Variants in LMBRD2 observed in about 807,000 individuals in gnomAD.
LMBRD2 encodes the protein G protein-coupled receptor-associated protein LMBRD2.
LMBRD2 carries 55 observed loss-of-function variants against 94.4 expected under a neutral mutation model. The observed-to-expected ratio is 0.58, with a 90% confidence interval of 0.47 to 0.73. The LOEUF (loss-of-function observed/expected upper bound fraction) is 0.73. LMBRD2 is among the 30% of genes least tolerant of loss of function. The pLI is 0.00. For synonymous variants in LMBRD2, 246 were observed against 272.4 expected (o/e 0.90, Z 0.95); for missense variants, 640 against 831.9 (o/e 0.77, Z 2.84).
intron 17 of LMBRD2, 140 bp downstream of exon 17, chr5:36,104,928 G>A (rs1469188490): frequency 1.3e-6 from 1 of 741,626 alleles, no homozygotes; most frequent in African/African-American, 1.8e-5. Context: ...ATTTTTTATT[G>A]TTAGTGAAAA....
chr5:36,104,478 T>C (rs1329790108), intron 17 of LMBRD2, among the ~76,000 whole-genome samples: 1 of 152,038 alleles, frequency 6.6e-6, no homozygotes, highest in Admixed American at 6.6e-5. Flanking sequence ...TTCGTGCACA[T>C]GATATTTTGC....
At chr5:36,127,570 T>C (rs1205509574) in intron 6 of LMBRD2, among the ~76,000 whole-genome samples, 1 of 152,156 alleles carries the variant, frequency 6.6e-6, no homozygotes, top group Non-Finnish European at 1.5e-5. Flanking sequence ...CATGGCAGCA[T>C]TCACCAAAAG....
intron 3 of LMBRD2, among the ~76,000 whole-genome samples, chr5:36,142,040 G>T (rs1744422040): frequency 1.3e-5 from 2 of 152,086 alleles, no homozygotes; most frequent in Non-Finnish European, 2.9e-5. Context: ...TGGACAATTT[G>T]AACTTTATTA....
intron 6 of LMBRD2, among the ~76,000 whole-genome samples, chr5:36,131,778 A>G (rs1034552628): frequency 1.3e-5 from 2 of 152,064 alleles, no homozygotes; most frequent in Non-Finnish European, 2.9e-5. Context: ...AAAGATCTCT[A>G]CAATGAAAAC....
chr5:36,105,262 T>C (rs1193273088), intron 16 of LMBRD2, 65 bp from the exon 17 acceptor site: 80 of 1,446,510 alleles, frequency 5.5e-5, no homozygotes, highest in Admixed American at 1.2e-4. Flanking sequence ...TCACAGTCTA[T>C]GGAGGTACAG....
intron 6 of LMBRD2, among the ~76,000 whole-genome samples, chr5:36,129,901 C>T (rs1744093768): frequency 6.6e-6 from 1 of 152,092 alleles, no homozygotes; most frequent in Non-Finnish European, 1.5e-5. Flanking sequence ...ATGGATGAAG[C>T]TGGAAACCAT....
In LMBRD2 at chr5:36,101,603, C is replaced by A. The variant is rs1010002319; in HGVS notation, c.*2443G>T. The A allele has an allele frequency of 6.6e-6, 1 of 151,834 alleles. No homozygotes were observed. The highest frequency in any genetic ancestry group is 1.5e-5 in the Non-Finnish European group (1 of 67,818). 9.4% of individuals were successfully genotyped at this position (151,834 alleles called of 1,614,324 possible). A position where few individuals can be genotyped will look rare whatever the true frequency, so the allele number is the denominator to read the frequency against. ...GCTTGACAAATATTAACTTGGTTCCCCAGCAATAAACTGAGTCTTCCAGGG... is the reference window on the plus strand; with the variant it reads ...GCTTGACAAATATTAACTTGGTTCCACAGCAATAAACTGAGTCTTCCAGGG... On this transcript the variant is annotated 3_prime_UTR_variant, in exon 18 of 18. Transcript: ENST00000296603.
At chr5:36,136,033 G>T (rs1269120055) in intron 6 of LMBRD2, among the ~76,000 whole-genome samples, 1 of 152,152 alleles carries the variant, frequency 6.6e-6, no homozygotes, top group Non-Finnish European at 1.5e-5. Context: ...AAATTAAAGA[G>T]GGTACTATTA....
In LMBRD2 at chr5:36,101,652, A is replaced by C. The variant is rs1743348597; in HGVS notation, c.*2394T>G. ...GGTCAAGTCATTGCCTTCTGAACTC[A>C]AATTTATCCAACAAAATAACATTTT... On this transcript the variant is annotated 3_prime_UTR_variant, in exon 18 of 18. Coordinates refer to ENST00000296603, the MANE Select transcript of LMBRD2 (RefSeq NM_001007527.2). The C allele has an allele frequency of 6.6e-6, 1 of 151,930 alleles. No individual in the cohort carries two copies. Among genetic ancestry groups the C allele is most frequent in the African/African-American group, 2.4e-5 (1 of 41,422 alleles). The allele number at this position is 151,930 out of a possible 1,614,324, so 9.4% of individuals were successfully genotyped here.
Position 36,103,977 on chromosome 5 carries a change from C to T in LMBRD2, c.*69G>A. ...TGTGTATAGAGGAAATTCTAGGGTA[C>T]ACAGATGTTCATCAAGACTGAACTG... is the stretch of plus-strand genomic sequence containing the variant. On this transcript the variant is annotated 3_prime_UTR_variant, in exon 18 of 18. Coordinates refer to ENST00000296603, the MANE Select transcript of LMBRD2 (RefSeq NM_001007527.2). 1 of 1,107,154 alleles carries T rather than the reference C, an allele frequency of 9.0e-7. No homozygotes were observed. Among genetic ancestry groups the T allele is most frequent in the South Asian group, 1.3e-5 (1 of 77,062 alleles). 68.6% of individuals were successfully genotyped at this position (1,107,154 alleles called of 1,614,324 possible).
At chr5:36,124,161 A>G in intron 7 of LMBRD2, 30 bp downstream of exon 7, 1 of 1,318,496 alleles carries the variant, frequency 7.6e-7, no homozygotes, top group African/African-American at 1.5e-5. Flanking sequence ...TGTATATTTC[A>G]AAAGGAAACA....
In LMBRD2 at chr5:36,103,632, T is replaced by C. The variant is rs1192969872; in HGVS notation, c.*414A>G. 6.5e-6 allele frequency: 1 copy of C among 152,896 alleles called. No homozygotes were observed. The highest frequency in any genetic ancestry group is 2.4e-5 in the African/African-American group (1 of 41,418). The allele number at this position is 152,896 out of a possible 1,614,324, so 9.5% of individuals were successfully genotyped here. ...GGAAATACAGGTTGAATATACTTTT[T>C]AGAAGTAACAAAAATGTAAGTCACA... On this transcript the variant is annotated 3_prime_UTR_variant, in exon 18 of 18. Transcript: ENST00000296603.
At chr5:36,138,609 T>C (rs1744328833) in intron 4 of LMBRD2, among the ~76,000 whole-genome samples, 1 of 152,218 alleles carries the variant, frequency 6.6e-6, no homozygotes, top group South Asian at 2.1e-4. Flanking sequence ...TAATGTTCTA[T>C]AACATCATCT....
chr5:36,106,061 C>A (rs187549226), intron 16 of LMBRD2, among the ~76,000 whole-genome samples: 1 of 151,794 alleles, frequency 6.6e-6, no homozygotes, highest in Non-Finnish European at 1.5e-5. Flanking sequence ...TTCAGCAAAT[C>A]GCAATTGCCC....
At chr5:36,141,658 TA>T (rs1744413893) in intron 3 of LMBRD2, among the ~76,000 whole-genome samples, 1 of 152,054 alleles carries the variant, frequency 6.6e-6, no homozygotes, top group South Asian at 2.1e-4. Context: ...ATTGTAATGC[TA>T]ATTAAATCAC....
Position 36,106,024 on chromosome 5 carries a change from A to G in LMBRD2, c.1898-827T>C, listed in dbSNP as rs894160222. On this transcript the variant is annotated intron_variant, in intron 16 of 17. Transcript: ENST00000296603. ...TAAGCTTGGACTCTGTCCCAAATGCAAATCTCTTCATCTTTTCTCTCACTC... is the reference window on the plus strand; with the variant it reads ...TAAGCTTGGACTCTGTCCCAAATGCGAATCTCTTCATCTTTTCTCTCACTC... 2.6e-5 allele frequency among the ~76,000 whole-genome samples: 4 copies of G among 152,260 alleles called. No homozygotes were observed. In the South Asian group the frequency reaches 8.3e-4, roughly 32 times the overall value.
intron 1 of LMBRD2, among the ~76,000 whole-genome samples, chr5:36,150,967 G>A (rs193302329): frequency 6.6e-6 from 1 of 152,290 alleles, no homozygotes; most frequent in Non-Finnish European, 1.5e-5. Flanking sequence ...GCTTCCTTAT[G>A]AACTTTATAA....
chr5:36,109,844 G>T lies in LMBRD2; in HGVS notation c.1791+101C>A, dbSNP rs1407043274. 32 of 852,886 alleles carry T rather than the reference G, an allele frequency of 3.8e-5. No individual in the cohort carries two copies. In the East Asian group the frequency reaches 8.2e-4, roughly 22 times the overall value. The allele number at this position is 852,886 out of a possible 1,614,324, so 52.8% of individuals were successfully genotyped here. A position where few individuals can be genotyped will look rare whatever the true frequency, so the allele number is the denominator to read the frequency against. On this transcript the variant is annotated intron_variant, in intron 15 of 17. Transcript: ENST00000296603. ...ATATATCTTATAACATTTTTCCACT[G>T]TTTTTTTCTGTCTTTAGCTAATTAT...
chr5:36,143,835 A>C (rs1215724328), intron 1 of LMBRD2, among the ~76,000 whole-genome samples: 1 of 151,914 alleles, frequency 6.6e-6, no homozygotes, highest in Non-Finnish European at 1.5e-5. Context: ...AAGATTATTC[A>C]TCCTCTATAA....
Sources: allele counts gnomAD v4.1 joint callset (sites outside exome capture counted in the v4.1 genomes callset), GRCh38; gene constraint gnomAD v4.1.1; transcripts MANE v1.5; gene names NCBI Gene and HGNC (gene_info 2026-07-23, HGNC 2026-07-21).